RBM27: variants seen among roughly 807,000 people sequenced by gnomAD.
RBM27 encodes RNA binding motif protein 27, also known as RNA-binding protein 27.
Under a neutral mutation model 135.3 loss-of-function variants are expected in RBM27, and 22 were observed. The observed-to-expected ratio is 0.16, with a 90% confidence interval of 0.12 to 0.23. The LOEUF is 0.23. Ranked by LOEUF, RBM27 falls within the 10% of genes least tolerant of loss-of-function variation. RBM27 has a pLI of 1.00. For synonymous variants in RBM27, 481 were observed against 442.4 expected (o/e 1.09, Z -1.10); for missense variants, 1,009 against 1,281.0 (o/e 0.79, Z 3.24).
chr5:146,281,655 A>G (rs187744555), intron 19 of RBM27, among the ~76,000 whole-genome samples: 25 of 152,368 alleles, frequency 1.6e-4, no homozygotes, highest in Non-Finnish European at 3.4e-4. Flanking sequence ...CACAGGTTGG[A>G]CAAGGTTGCT....
chr5:146,265,854 A>G (rs1758591476), intron 14 of RBM27, among the ~76,000 whole-genome samples: 1 of 152,202 alleles, frequency 6.6e-6, no homozygotes, highest in Non-Finnish European at 1.5e-5. Context: ...GAAGATAGAT[A>G]AGACTAAGTA....
intron 1 of RBM27, among the ~76,000 whole-genome samples, chr5:146,214,090 G>A (rs932612255): frequency 6.6e-6 from 1 of 152,166 alleles, no homozygotes; most frequent in Non-Finnish European, 1.5e-5. Context: ...TACTTGTGTG[G>A]AATTGCAGCT....
At chr5:146,255,979 C>T (rs1486966322) in intron 10 of RBM27, among the ~76,000 whole-genome samples, 3 of 151,808 alleles carry the variant, frequency 2.0e-5, no homozygotes, top group African/African-American at 4.8e-5. Flanking sequence ...CCTCTGCCTC[C>T]TGAATAGCTG....
In RBM27 at chr5:146,260,651, TA is replaced by T. The variant is rs967702518; in HGVS notation, c.1740-87del. 948 of 1,139,532 alleles carry T rather than the reference TA, an allele frequency of 8.3e-4. 1 individual carries two copies. The highest frequency in any genetic ancestry group is 1.5e-3 in the Middle Eastern group (5 of 3,308). The allele number at this position is 1,139,532 out of a possible 1,614,324, so 70.6% of individuals were successfully genotyped here. On this transcript the variant is annotated intron_variant, in intron 11 of 20. Transcript: ENST00000265271. ...ACCATGCCCAGCCACAAAAGGCACT[TA>T]AAAAAATTATAAACCTAAATTCTTT...
At chr5:146,214,467 A>G (rs975928555) in intron 1 of RBM27, among the ~76,000 whole-genome samples, 1 of 152,194 alleles carries the variant, frequency 6.6e-6, no homozygotes, top group Non-Finnish European at 1.5e-5. Context: ...CACTTGTCTT[A>G]TATTCTCAAG....
At chr5:146,204,840 T>C (rs1046707654) in intron 1 of RBM27, among the ~76,000 whole-genome samples, 10 of 152,282 alleles carry the variant, frequency 6.6e-5, no homozygotes, top group Admixed American at 4.6e-4. Context: ...TTGGGTGGTG[T>C]TAGTAGAAAT....
intron 6 of RBM27, among the ~76,000 whole-genome samples, chr5:146,231,519 G>GT (rs1437298844): frequency 9.2e-5 from 14 of 151,404 alleles, no homozygotes; most frequent in Non-Finnish European, 8.8e-5. Context: ...GATTTTTTTT[G>GT]TTTTTTTGTT....
chr5:146,205,626 T>G (rs936647576), intron 1 of RBM27, among the ~76,000 whole-genome samples: 11 of 151,980 alleles, frequency 7.2e-5, no homozygotes, highest in Non-Finnish European at 1.5e-4. Flanking sequence ...GGCACAAAGA[T>G]GGAAATGGTT....
chr5:146,247,601 A>G (rs1029054696), intron 8 of RBM27, among the ~76,000 whole-genome samples: 9 of 152,206 alleles, frequency 5.9e-5, no homozygotes, highest in Non-Finnish European at 1.0e-4. Context: ...CTCACATTCT[A>G]GACTTGGCAG....
At position 146,207,722 on chromosome 5, in the gene RBM27, T is replaced by A. The variant is rs189209420; in HGVS notation, c.59+3898T>A. ...CAGGCTGGAGTGCAGTGGCACGATC[T>A]TGGCTCACTGCAACCTCCGTCTTCG... On this transcript the variant is annotated intron_variant, in intron 1 of 20. Transcript: ENST00000265271. Among the ~76,000 whole-genome samples, 357 of 149,800 alleles carry A rather than the reference T, an allele frequency of 2.4e-3. 3 individuals carry two copies. Among genetic ancestry groups the A allele is most frequent in the African/African-American group, 8.3e-3 (339 of 40,686 alleles).
Position 146,203,802 on chromosome 5 carries a change from C to T in RBM27, c.37C>T (p.Leu13=), listed in dbSNP as rs1276456504. The part of the protein sequence containing the change: ...IEDVDALKSW[L]AKLLEPICDA... Reference sequence around the variant, plus strand: ...GGATGTGGATGCCCTCAAGTCCTGGCTGGCCAAGTTACTGGAGCCGATGTG... The same window carrying T: ...GGATGTGGATGCCCTCAAGTCCTGGTTGGCCAAGTTACTGGAGCCGATGTG... Residue 13 remains leucine (L), a synonymous_variant, in exon 1 of 21, where the codon CTG becomes TTG. Coordinates refer to ENST00000265271, the MANE Select transcript of RBM27 (RefSeq NM_018989.2). The T allele has an allele frequency of 1.5e-5, 23 of 1,512,788 alleles. No homozygotes were observed. The highest frequency in any genetic ancestry group is 2.8e-5 in the African/African-American group (2 of 71,450). The allele number at this position is 1,512,788 out of a possible 1,614,324, so 93.7% of individuals were successfully genotyped here.
chr5:146,260,203 G>A (rs926115647), intron 11 of RBM27, among the ~76,000 whole-genome samples: 4 of 151,840 alleles, frequency 2.6e-5, no homozygotes, highest in African/African-American at 9.7e-5. Flanking sequence ...GGAAGCTGAG[G>A]CAGGAGAATC....
chr5:146,283,971 T>C (rs993583271), intron 19 of RBM27, among the ~76,000 whole-genome samples: 3 of 152,226 alleles, frequency 2.0e-5, no homozygotes, highest in African/African-American at 7.2e-5. Flanking sequence ...CCCTTGTCTG[T>C]GTTGCTTTGT....
intron 11 of RBM27, among the ~76,000 whole-genome samples, chr5:146,260,437 T>C (rs776828581): frequency 1.3e-5 from 2 of 152,218 alleles, no homozygotes; most frequent in Non-Finnish European, 2.9e-5. Context: ...TTCCCCAGAC[T>C]GGTCTGGAAC....
intron 3 of RBM27, among the ~76,000 whole-genome samples, chr5:146,225,840 A>G (rs537372295): frequency 6.3e-4 from 96 of 152,076 alleles, no homozygotes; most frequent in Admixed American, 1.3e-3. Context: ...CTGGGATTAC[A>G]GGGGTGAGCC....
chr5:146,268,782 C>G (rs565716614), intron 15 of RBM27, among the ~76,000 whole-genome samples: 31 of 152,096 alleles, frequency 2.0e-4, no homozygotes, highest in Admixed American at 2.0e-3. Flanking sequence ...GGGTCTCATT[C>G]TGTTGCCGAG....
rs1311014919 is a variant in RBM27, at chr5:146,233,406, A to G, written c.851-44A>G. The stretch of plus-strand genomic sequence containing the variant: ...CATGTTTTGTTGTTTTCTGAACTCT[A>G]AGTAGATGATAATAAGATTCTTTTT... On this transcript the variant is annotated intron_variant, in intron 6 of 20. Transcript: ENST00000265271. 5.4e-6 allele frequency: 8 copies of G among 1,494,480 alleles called. No individual in the cohort carries two copies. In the African/African-American group the frequency reaches 8.5e-5, roughly 16 times the overall value. The allele number at this position is 1,494,480 out of a possible 1,614,324, so 92.6% of individuals were successfully genotyped here. A position where few individuals can be genotyped will look rare whatever the true frequency, so the allele number is the denominator to read the frequency against.
At chr5:146,279,807 CAAAAAAAAAAA>C (rs766177641) in intron 19 of RBM27, among the ~76,000 whole-genome samples, 2 of 55,244 alleles carry the variant, frequency 3.6e-5, no homozygotes, top group Admixed American at 2.0e-4. Flanking sequence ...GACTCTGTCT[CAAAAAAAAAAA>C]AAAAAAAAGT....
Position 146,261,875 on chromosome 5 carries a change from G to C in RBM27, c.2190+69G>C, listed in dbSNP as rs1581217324. 5.3e-6 allele frequency: 8 copies of C among 1,495,570 alleles called. No homozygotes were observed. In the East Asian group the frequency reaches 1.6e-4, roughly 30 times the overall value. The allele number at this position is 1,495,570 out of a possible 1,614,324, so 92.6% of individuals were successfully genotyped here. A position where few individuals can be genotyped will look rare whatever the true frequency, so the allele number is the denominator to read the frequency against. On this transcript the variant is annotated intron_variant, in intron 13 of 20. Coordinates refer to ENST00000265271, the MANE Select transcript of RBM27 (RefSeq NM_018989.2). ...TCTAGATCAGTATTTTTCAATTCCT[G>C]GTCCTTGGGTCTTCTACAGAAGAGC...
Sources: gnomAD v4.1 joint callset for allele counts (sites outside exome capture counted in the v4.1 genomes callset) on GRCh38, gnomAD v4.1.1 for gene constraint, MANE v1.5 for transcripts, NCBI Gene and HGNC (gene_info 2026-07-23, HGNC 2026-07-21) for gene names.